Variants in CDH19 observed in about 807,000 individuals in gnomAD.
CDH19 encodes the protein cadherin 19.
CDH19 carries 67 observed loss-of-function variants against 64.2 expected under a neutral mutation model. The ratio of observed to expected loss-of-function variants is 1.04; its 90% CI spans 0.86 to 1.28. The LOEUF is 1.28. CDH19 is among the 50% of genes most tolerant of loss of function. The pLI is 0.00. For synonymous variants in CDH19, 346 were observed against 319.3 expected, an observed-to-expected ratio of 1.08 and a Z score of -0.89; for missense variants, 1,030 against 929.0, an observed-to-expected ratio of 1.11 and a Z score of -1.41.
At chr18:66,571,005 C>T (rs1440010948) in intron 2 of CDH19, among the ~76,000 whole-genome samples, 1 of 151,606 alleles carries the variant, frequency 6.6e-6, no homozygotes, top group Non-Finnish European at 1.5e-5. Context: ...TGTGGACCTT[C>T]TTAGTGCCAA....
intron 11 of CDH19, among the ~76,000 whole-genome samples, chr18:66,507,750 T>C (rs1985272819): frequency 1.3e-5 from 2 of 151,956 alleles, no homozygotes; most frequent in Admixed American, 6.6e-5. Flanking sequence ...ACATTTACTG[T>C]CCTTTTTATT....
chr18:66,517,541 A>G lies in CDH19; in HGVS notation c.1459-5856T>C, dbSNP rs1199231976. Among the ~76,000 whole-genome samples the G allele has an allele frequency of 3.3e-5, 5 of 152,186 alleles. No individual in the cohort carries two copies. In the South Asian group the frequency reaches 6.2e-4, roughly 19 times the overall value. Reference sequence around the variant, plus strand: ...CACCCTGGCCACTTACACATTAAGAACAAAACCAAAAATTTTGTTTACCCA... The same window carrying G: ...CACCCTGGCCACTTACACATTAAGAGCAAAACCAAAAATTTTGTTTACCCA... On this transcript the variant is annotated intron_variant, in intron 9 of 11. Transcript: ENST00000262150.
At position 66,568,675 on chromosome 18, in the gene CDH19, G is replaced by T; in HGVS notation, c.231C>A (p.Phe77Leu). ...CTCCAGCTCCCAAAAGCTTGTACTG[G>T]AAAGAATTGTTTCCATTGTCTAAAT... ...RSDLDNGNNSFQYKLLGAGAG... is the reference protein window; with the variant it reads ...RSDLDNGNNSLQYKLLGAGAG... The change falls in exon 3 of 12, where the codon TTC (phenylalanine) becomes TTA (leucine). Residue 77 changes from phenylalanine (F) to leucine (L), a missense_variant. Phe to Leu is a conservative substitution (Grantham distance 22). Transcript: ENST00000262150. 6.2e-7 allele frequency: 1 copy of T among 1,609,952 alleles called. No individual in the cohort carries two copies. The highest frequency in any genetic ancestry group is 8.5e-7 in the Non-Finnish European group (1 of 1,178,398).
At chr18:66,584,090 T>G (rs1440281804) in intron 1 of CDH19, among the ~76,000 whole-genome samples, 1 of 152,086 alleles carries the variant, frequency 6.6e-6, no homozygotes, top group Non-Finnish European at 1.5e-5. Context: ...AGAAAATATT[T>G]GCAATCTATG....
At chr18:66,540,255 C>T (rs927684605) in intron 7 of CDH19, among the ~76,000 whole-genome samples, 4 of 151,912 alleles carry the variant, frequency 2.6e-5, no homozygotes, top group Non-Finnish European at 5.9e-5. Context: ...TTTTTATTTG[C>T]TCTTTTTTTT....
intron 1 of CDH19, among the ~76,000 whole-genome samples, chr18:66,601,048 T>C (rs1989025719): frequency 6.6e-6 from 1 of 151,848 alleles, no homozygotes; most frequent in Non-Finnish European, 1.5e-5. Context: ...ATTTGCTTAG[T>C]GACAAATGAC....
intron 9 of CDH19, among the ~76,000 whole-genome samples, chr18:66,524,730 CAT>C (rs1224688141): frequency 6.6e-6 from 1 of 151,922 alleles, no homozygotes; most frequent in Non-Finnish European, 1.5e-5. Flanking sequence ...ACCCTATGCA[CAT>C]ACTCTTCTTT....
intron 1 of CDH19, among the ~76,000 whole-genome samples, chr18:66,595,026 T>TAA (rs74173409): frequency 1.2e-4 from 17 of 146,456 alleles, no homozygotes; most frequent in South Asian, 8.6e-4. Flanking sequence ...AAAATTAAAT[T>TAA]AAAAAAAAAA....
At chr18:66,534,283 C>T (rs1260859431) in intron 8 of CDH19, among the ~76,000 whole-genome samples, 1 of 151,972 alleles carries the variant, frequency 6.6e-6, no homozygotes, top group African/African-American at 2.4e-5. Context: ...GATTCAAGCT[C>T]TCCTACAGTG....
intron 1 of CDH19, among the ~76,000 whole-genome samples, chr18:66,587,912 C>A (rs1269735336): frequency 6.6e-6 from 1 of 152,104 alleles, no homozygotes; most frequent in Non-Finnish European, 1.5e-5. Context: ...AGTAATTTGT[C>A]TCATAATTCA....
At chr18:66,526,187 G>A (rs8089461) in intron 9 of CDH19, among the ~76,000 whole-genome samples, 2,610 of 152,066 alleles carry the variant, frequency 0.017, 65 homozygotes, top group African/African-American at 0.058. Context: ...TTTTAATTCT[G>A]GCTTACCTAT....
At chr18:66,512,728 CA>C (rs1985552152) in intron 9 of CDH19, among the ~76,000 whole-genome samples, 1 of 151,314 alleles carries the variant, frequency 6.6e-6, no homozygotes, top group African/African-American at 2.4e-5. Flanking sequence ...TATAATTATA[CA>C]TGTGGATATT....
At chr18:66,518,041 A>G (rs1985814869) in intron 9 of CDH19, among the ~76,000 whole-genome samples, 2 of 151,940 alleles carry the variant, frequency 1.3e-5, no homozygotes, top group Non-Finnish European at 1.5e-5. Flanking sequence ...AACAAATAAT[A>G]GTGTAAGAGA....
At position 66,505,111 on chromosome 18, in the gene CDH19, T is replaced by C. The variant is rs749212583; in HGVS notation, c.2020A>G (p.Thr674Ala). The change falls in exon 12 of 12, where the codon ACA (threonine) becomes GCA (alanine). Residue 674 changes from threonine to alanine, a missense_variant. By Grantham distance (58) the Thr-to-Ala change is moderately conservative. Coordinates refer to ENST00000262150, the MANE Select transcript of CDH19 (RefSeq NM_021153.4). ...IMRERKTRKT[T>A]SAEIRSLYRQ... ...TATAGGCTCCTGATCTCAGCGCTTG[T>C]GGTTTTCCGAGTCTTGCGTTCCCGC... 2 of 1,613,482 alleles carry C rather than the reference T, an allele frequency of 1.2e-6. No homozygotes were observed. Among genetic ancestry groups the C allele is most frequent in the Admixed American group, 1.7e-5 (1 of 59,902 alleles).
intron 7 of CDH19, among the ~76,000 whole-genome samples, chr18:66,537,322 C>T (rs536180623): frequency 6.6e-6 from 1 of 151,850 alleles, no homozygotes; most frequent in African/African-American, 2.4e-5. Flanking sequence ...TTTTAAAGAG[C>T]GTCTCTCAAT....
intron 1 of CDH19, among the ~76,000 whole-genome samples, chr18:66,582,732 A>T (rs984119735): frequency 6.6e-6 from 1 of 151,318 alleles, no homozygotes; most frequent in Admixed American, 6.6e-5. Flanking sequence ...CCTCTTTGAC[A>T]TTACACAGCC....
At chr18:66,583,455 C>A (rs1319167872) in intron 1 of CDH19, among the ~76,000 whole-genome samples, 1 of 151,976 alleles carries the variant, frequency 6.6e-6, no homozygotes, top group Admixed American at 6.6e-5. Flanking sequence ...ACGCCTAGTA[C>A]CCAATAGTTG....
At chr18:66,567,376 G>A (rs889614640) in intron 3 of CDH19, among the ~76,000 whole-genome samples, 1 of 151,230 alleles carries the variant, frequency 6.6e-6, no homozygotes, top group Non-Finnish European at 1.5e-5. Flanking sequence ...AGGAGGAGAG[G>A]GAGGGATGAG....
chr18:66,538,585 A>G (rs1433154171), intron 7 of CDH19, among the ~76,000 whole-genome samples: 3 of 152,102 alleles, frequency 2.0e-5, no homozygotes, highest in Admixed American at 6.6e-5. Context: ...TAAAGCTGCC[A>G]TAAATGCTTG....
Sources: allele counts gnomAD v4.1 joint callset (sites outside exome capture counted in the v4.1 genomes callset), GRCh38; gene constraint gnomAD v4.1.1; transcripts MANE v1.5; gene names NCBI Gene and HGNC (gene_info 2026-07-23, HGNC 2026-07-21).